Variants in ZNF195 observed in about 807,000 individuals in gnomAD.
ZNF195 encodes the protein zinc finger protein 195, also known as hypoxia-regulated factor-1.
Under a neutral mutation model 19.5 loss-of-function variants are expected in ZNF195, and 11 were observed. The observed-to-expected ratio is 0.57, with a 90% confidence interval of 0.36 to 0.94. ZNF195 has a LOEUF of 0.94. Among genes scored for constraint, ZNF195 ranks in the 40% least tolerant of loss-of-function variants. ZNF195 has a pLI of 0.01. For missense variants in ZNF195, 582 were observed against 709.0 expected (o/e 0.82, Z 2.03); for synonymous variants, 214 against 248.1 (o/e 0.86, Z 1.29).
intron 3 of ZNF195, among the ~76,000 whole-genome samples, chr11:3,370,584 C>A (rs925260450): frequency 2.0e-4 from 31 of 152,188 alleles, no homozygotes; most frequent in Non-Finnish European, 7.3e-5. Context: ...ATCACCATCA[C>A]CACGCCTCTC....
chr11:3,365,485 T>C (rs1186024712), intron 3 of ZNF195, among the ~76,000 whole-genome samples: 2 of 152,230 alleles, frequency 1.3e-5, no homozygotes, highest in African/African-American at 4.8e-5. Context: ...CAAAAATGTA[T>C]GGAAATTAAA....
chr11:3,360,656 G>A (rs1848593487), intron 5 of ZNF195, 64 bp downstream of exon 5: 1 of 1,552,388 alleles, frequency 6.4e-7, no homozygotes, highest in East Asian at 2.4e-5. Flanking sequence ...GGGTACATTA[G>A]CAAAATGGCA....
At position 3,359,998 on chromosome 11, in the gene ZNF195, T is replaced by A. The variant is rs773189204; in HGVS notation, c.1010A>T (p.Asn337Ile). Residue 337 changes from asparagine (N) to isoleucine (I), a missense_variant, in exon 6 of 6, where the codon AAC becomes ATC. By Grantham distance (149) the Asn-to-Ile change is moderately radical. Around this residue, in one of 3 missense-constraint regions of ZNF195, gnomAD observed 407 missense variants for 530.5 expected, o/e 0.77. Coordinates refer to ENST00000399602, the MANE Select transcript of ZNF195 (RefSeq NM_001130520.3). This position sits in a 1 kb window ranked among gnomAD's most constrained non-coding sequence, Gnocchi z 5.5. ...YRCEEFGKVF[N>I]QCSHLTEHEH... The stretch of plus-strand genomic sequence containing the variant: ...ATGTTCAGTAAGGTGGGAGCACTGG[T>A]TAAATACTTTGCCAAATTCTTCACA... The A allele has an allele frequency of 6.8e-6, 11 of 1,614,072 alleles. No homozygotes were observed. In the East Asian group the frequency reaches 2.5e-4, roughly 36 times the overall value.
chr11:3,376,742 CAT>C (rs897233825), intron 1 of ZNF195, among the ~76,000 whole-genome samples: 3 of 152,196 alleles, frequency 2.0e-5, no homozygotes, highest in Admixed American at 6.6e-5. Context: ...TAAACAATCA[CAT>C]GTGAACACTT....
rs571197519 is a variant in ZNF195, at chr11:3,361,363, T to TA, written c.373+379dup. Among the ~76,000 whole-genome samples the TA allele has an allele frequency of 2.3e-3, 355 of 151,788 alleles. 1 individual carries two copies. Among genetic ancestry groups the TA allele is most frequent in the African/African-American group, 8.1e-3 (336 of 41,406 alleles). ...GGGTCACATGGCATAATCAAAGAAA[T>TA]AAAAAAAGTTCAGAAATCAACCCTA... On this transcript the variant is annotated intron_variant, in intron 4 of 5. Coordinates refer to ENST00000399602, the MANE Select transcript of ZNF195 (RefSeq NM_001130520.3).
intron 3 of ZNF195, chr11:3,362,565 G>A: frequency 1.7e-6 from 1 of 598,328 alleles, no homozygotes; most frequent in South Asian, 2.0e-5. Flanking sequence ...ACTTTAAGAT[G>A]TTTTATATAA....
chr11:3,366,306 A>G (rs1414042872), intron 3 of ZNF195, among the ~76,000 whole-genome samples: 1 of 151,458 alleles, frequency 6.6e-6, no homozygotes, highest in Non-Finnish European at 1.5e-5. Context: ...AGAAGAAAAT[A>G]TAGGACAGCA....
At chr11:3,370,203 CATATATACACACAT>C (rs548730813) in intron 3 of ZNF195, among the ~76,000 whole-genome samples, 562 of 11,152 alleles carry the variant, frequency 0.05, 3 homozygotes, top group African/African-American at 0.11. Context: ...TATACACACA[CATATATACACACAT>C]ATATACACAC....
intron 1 of ZNF195, among the ~76,000 whole-genome samples, chr11:3,377,461 A>C (rs766527957): frequency 6.6e-6 from 1 of 152,216 alleles, no homozygotes; most frequent in East Asian, 1.9e-4. Context: ...TCTTTGAAAC[A>C]TTCTGTCTCC....
chr11:3,374,837 T>C (rs1380660335), intron 1 of ZNF195, among the ~76,000 whole-genome samples: 1 of 152,270 alleles, frequency 6.6e-6, no homozygotes, highest in African/African-American at 2.4e-5. Context: ...CACTTTCTTG[T>C]GGCTTGTGAA....
rs1472074509 is a variant in ZNF195 at position 3,358,466 on chromosome 11, C to T, written c.*652G>A. ...CACGGACAAGTATATCAGTGATGCA[C>T]ACCTAAGAGAAAAGAATTTCTCATA... is the stretch of plus-strand genomic sequence containing the variant. On this transcript the variant is annotated 3_prime_UTR_variant, in exon 6 of 6. Coordinates refer to ENST00000399602, the MANE Select transcript of ZNF195 (RefSeq NM_001130520.3). 6.6e-6 allele frequency: 1 copy of T among 152,204 alleles called. No individual in the cohort carries two copies. Among genetic ancestry groups the T allele is most frequent in the East Asian group, 1.9e-4 (1 of 5,202 alleles). 9.4% of individuals were successfully genotyped at this position (152,204 alleles called of 1,614,324 possible).
Position 3,379,113 on chromosome 11 carries a change from T to C in ZNF195, c.-73A>G. 5 of 1,433,508 alleles carry C rather than the reference T, an allele frequency of 3.5e-6. No individual in the cohort carries two copies. Among genetic ancestry groups the C allele is most frequent in the Non-Finnish European group, 4.6e-6 (5 of 1,084,982 alleles). 88.8% of individuals were successfully genotyped at this position (1,433,508 alleles called of 1,614,324 possible). A position where few individuals can be genotyped will look rare whatever the true frequency, so the allele number is the denominator to read the frequency against. ...GCCTGCGGGTCACACGACCTACGGC[T>C]AGCAGGGGACACAGAGCCGCGGGGA... On this transcript the variant is annotated 5_prime_UTR_variant, in exon 1 of 6. Coordinates refer to ENST00000399602, the MANE Select transcript of ZNF195 (RefSeq NM_001130520.3).
At position 3,359,419 on chromosome 11, in the gene ZNF195, T is replaced by C. The variant is rs754962241; in HGVS notation, c.1589A>G (p.Asn530Ser). The change falls in exon 6 of 6, where the codon AAC becomes AGC. Residue 530 changes from asparagine to serine, a missense_variant. Around this residue, in one of 3 missense-constraint regions of ZNF195, gnomAD observed 407 missense variants for 530.5 expected, o/e 0.77. Transcript: ENST00000399602. This position sits in a 1 kb window ranked among gnomAD's most constrained non-coding sequence, Gnocchi z 5.5. The stretch of plus-strand genomic sequence containing the variant: ...AATAAGGTTGGAGGACTGGGTAAAG[T>C]TTTTTCCACATTCGTCACATTTGTA... ...KPYKCDECGK[N>S]FTQSSNLIVH... 21 of 1,614,098 alleles carry C rather than the reference T, an allele frequency of 1.3e-5. No homozygotes were observed. The South Asian group carries it at 2.3e-4, about 18-fold the overall frequency.
intron 3 of ZNF195, chr11:3,363,256 CTT>C (rs1168037466): frequency 6.6e-6 from 1 of 152,108 alleles, no homozygotes; most frequent in Non-Finnish European, 1.5e-5. Context: ...TAAAGCAAGA[CTT>C]AATAATTGTA....
chr11:3,371,727 A>C, intron 1 of ZNF195, 24 bp from the exon 2 acceptor site: 1 of 1,576,516 alleles, frequency 6.3e-7, no homozygotes, highest in Non-Finnish European at 8.6e-7. Context: ...AACAACAATA[A>C]CAAATACTTG....
intron 3 of ZNF195, among the ~76,000 whole-genome samples, chr11:3,365,355 A>G (rs1848825485): frequency 6.6e-6 from 1 of 152,260 alleles, no homozygotes; most frequent in Non-Finnish European, 1.5e-5. Flanking sequence ...ATTCTCAAAT[A>G]CACATAGTGC....
At chr11:3,368,972 CTG>C (rs1849044411) in intron 3 of ZNF195, 1 of 381,176 alleles carries the variant, frequency 2.6e-6, no homozygotes, top group South Asian at 2.0e-5. Flanking sequence ...CTTAAAAACT[CTG>C]AGAGAAAACC....
At chr11:3,372,363 A>G (rs919291952) in intron 1 of ZNF195, among the ~76,000 whole-genome samples, 4 of 152,262 alleles carry the variant, frequency 2.6e-5, no homozygotes, top group African/African-American at 7.2e-5. Flanking sequence ...AAACTCCACA[A>G]TGGAAAATCT....
intron 3 of ZNF195, chr11:3,362,414 A>G (rs1848677533): frequency 2.9e-6 from 1 of 339,492 alleles, no homozygotes; most frequent in African/African-American, 2.1e-5. Context: ...GTAGAAAAAT[A>G]ATCATAAATA....
Sources: allele counts gnomAD v4.1 joint callset (sites outside exome capture counted in the v4.1 genomes callset), GRCh38; gene constraint gnomAD v4.1.1; regional missense constraint gnomAD v4.1.1; non-coding constraint Gnocchi (gnomAD v3.1); transcripts MANE v1.5; gene names NCBI Gene and HGNC (gene_info 2026-07-23, HGNC 2026-07-21).